Variants in SEM1 observed in about 807,000 individuals in gnomAD.
The protein encoded by SEM1 is 26S proteasome complex subunit SEM1.
A neutral mutation model predicts 12.7 loss-of-function variants in SEM1; 3 were observed. The ratio of observed to expected loss-of-function variants is 0.24; its 90% confidence interval spans 0.11 to 0.61. The LOEUF is 0.61. Ranked by LOEUF, SEM1 falls within the 20% of genes least tolerant of loss-of-function variation. SEM1 has a pLI of 0.88. For synonymous variants in SEM1, 30 were observed against 27.8 expected, an observed-to-expected ratio of 1.08 and a Z score of -0.25; for missense variants, 59 against 81.3, an observed-to-expected ratio of 0.73 and a Z score of 1.06.
chr7:96,520,598 C>T (rs977745513), intron 2 of SEM1, among the ~76,000 whole-genome samples: 1 of 152,084 alleles, frequency 6.6e-6, no homozygotes, highest in African/African-American at 2.4e-5. Flanking sequence ...TCCTTGGTCC[C>T]CCAGTAAGGC....
chr7:96,649,045 G>C (rs921254396), intron 2 of SEM1: 1 of 152,260 alleles, frequency 6.6e-6, no homozygotes, highest in Non-Finnish European at 1.5e-5. Context: ...TGGGGACTCT[G>C]TTGAAAGTCC....
chr7:96,590,089 C>A (rs1806780838), intron 2 of SEM1, among the ~76,000 whole-genome samples: 1 of 152,154 alleles, frequency 6.6e-6, no homozygotes, highest in Admixed American at 6.6e-5. Flanking sequence ...AATTAATCAT[C>A]TCATATTTCC....
chr7:96,544,281 T>C (rs1584751254), intron 2 of SEM1, among the ~76,000 whole-genome samples: 1 of 152,184 alleles, frequency 6.6e-6, no homozygotes, highest in African/African-American at 2.4e-5. Context: ...TTTTCATCTC[T>C]AATAACAGAG....
intron 2 of SEM1, among the ~76,000 whole-genome samples, chr7:96,647,876 A>G (rs1047156339): frequency 6.6e-6 from 1 of 152,174 alleles, no homozygotes; most frequent in African/African-American, 2.4e-5. Context: ...ACTTTGTAAA[A>G]CACGCTAAAT....
At chr7:96,686,747 A>T (rs1274660065), downstream of SEM1, among the ~76,000 whole-genome samples, 2 of 152,210 alleles carry the variant, frequency 1.3e-5, no homozygotes, top group African/African-American at 4.8e-5. Flanking sequence ...TCATGTCTAA[A>T]ACACCAAAAG....
At chr7:96,530,154 C>T (rs764044105) in intron 2 of SEM1, among the ~76,000 whole-genome samples, 1 of 151,998 alleles carries the variant, frequency 6.6e-6, no homozygotes, top group Non-Finnish European at 1.5e-5. Context: ...GCCCCTGGTG[C>T]TGAGGAAAGG....
At chr7:96,709,617 A>G (rs10250534) in intron 1 of SEM1, 71 bp downstream of exon 1, 1,028,230 of 1,470,728 alleles carry the variant, frequency 0.7, 361,344 homozygotes, top group East Asian at 0.88. Flanking sequence ...GGGCCCGAGC[A>G]CCCAAGCTAC....
chr7:96,679,809 C>A (rs1442515767), intron 2 of SEM1, among the ~76,000 whole-genome samples: 1 of 152,108 alleles, frequency 6.6e-6, no homozygotes, highest in Non-Finnish European at 1.5e-5. Context: ...GCCAATCATT[C>A]TTCTGATCTC....
intron 2 of SEM1, among the ~76,000 whole-genome samples, chr7:96,532,092 T>G (rs1804659745): frequency 6.6e-6 from 1 of 152,078 alleles, no homozygotes. Context: ...CCGGGCCCTT[T>G]GATATAGGGG....
At chr7:96,639,982 C>T (rs1462676332) in intron 2 of SEM1, among the ~76,000 whole-genome samples, 3 of 151,908 alleles carry the variant, frequency 2.0e-5, no homozygotes, top group Non-Finnish European at 4.4e-5. Flanking sequence ...CATCATATAT[C>T]GTCAAATAAA....
At chr7:96,498,375 G>C (rs75587209), upstream of SEM1, among the ~76,000 whole-genome samples, 5 of 70,616 alleles carry the variant, frequency 7.1e-5, no homozygotes, top group Admixed American at 5.8e-4. Flanking sequence ...GTGCACGTGT[G>C]TCTGTGTAAG....
At chr7:96,696,584 A>G (rs1363364443) in intron 1 of SEM1, 6 of 151,538 alleles carry the variant, frequency 4.0e-5, no homozygotes, top group Admixed American at 6.6e-5. Flanking sequence ...TAATATGAGC[A>G]CTGTTAAGAA....
At chr7:96,525,927 A>G (rs1449657613) in intron 2 of SEM1, among the ~76,000 whole-genome samples, 1 of 152,156 alleles carries the variant, frequency 6.6e-6, no homozygotes, top group African/African-American at 2.4e-5. Flanking sequence ...ATGGTCTTCC[A>G]GAAAACTGGT....
chr7:96,623,273 C>T (rs1807951977), intron 2 of SEM1, among the ~76,000 whole-genome samples: 1 of 152,060 alleles, frequency 6.6e-6, no homozygotes, highest in African/African-American at 2.4e-5. Context: ...TCCTACTTCT[C>T]AGGCTTTCTG....
intron 2 of SEM1, among the ~76,000 whole-genome samples, chr7:96,585,141 T>C (rs569189378): frequency 1.3e-5 from 2 of 152,036 alleles, no homozygotes; most frequent in African/African-American, 4.8e-5. Flanking sequence ...TACAGATGGG[T>C]TTTTTGGTGT....
intron 2 of SEM1, among the ~76,000 whole-genome samples, chr7:96,585,812 C>T (rs1017904524): frequency 5.3e-5 from 8 of 152,268 alleles, no homozygotes; most frequent in South Asian, 2.1e-4. Flanking sequence ...GGCAATGCCT[C>T]GCCCTGCTTC....
intron 2 of SEM1, among the ~76,000 whole-genome samples, chr7:96,554,972 G>C (rs6465521): frequency 8.9e-6 from 1 of 112,916 alleles, no homozygotes; most frequent in East Asian, 2.8e-4. Flanking sequence ...TAGATTTTCT[G>C]GTTTATTTGC....
chr7:96,588,573 A>G (rs1362995102), intron 2 of SEM1, among the ~76,000 whole-genome samples: 3 of 152,070 alleles, frequency 2.0e-5, no homozygotes, highest in African/African-American at 7.2e-5. Flanking sequence ...TATGTATTTA[A>G]ATAATAAGGA....
intron 2 of SEM1, among the ~76,000 whole-genome samples, chr7:96,595,117 C>T (rs1806954112): frequency 6.6e-6 from 1 of 152,096 alleles, no homozygotes; most frequent in Non-Finnish European, 1.5e-5. Flanking sequence ...TTACATGAAG[C>T]TTCTATATCA....
Sources: gnomAD v4.1 joint callset for allele counts (sites outside exome capture counted in the v4.1 genomes callset) on GRCh38, gnomAD v4.1.1 for gene constraint, MANE v1.5 for transcripts, NCBI Gene and HGNC (gene_info 2026-07-23, HGNC 2026-07-21) for gene names.